The following THSD7A variants were observed in gnomAD, a reference collection of about 807,000 sequenced individuals.
THSD7A encodes thrombospondin type-1 domain-containing protein 7A.
Under a neutral mutation model 231.3 loss-of-function variants are expected in THSD7A, and 96 were observed. That is an observed-to-expected ratio of 0.41 (90% confidence interval 0.35 to 0.49). The LOEUF (loss-of-function observed/expected upper bound fraction) is 0.49. Ranked by LOEUF, THSD7A falls within the 20% of genes least tolerant of loss-of-function variation. The pLI, the probability that THSD7A is intolerant of heterozygous loss-of-function variation, is 0.05. For missense variants in THSD7A, 2,290 were observed against 2,070.2 expected (o/e 1.11, Z -2.06); for synonymous variants, 940 against 743.3 (o/e 1.26, Z -4.30).
intron 2 of THSD7A, among the ~76,000 whole-genome samples, chr7:11,595,097 C>T (rs895405943): frequency 1.3e-5 from 2 of 152,192 alleles, no homozygotes; most frequent in Non-Finnish European, 2.9e-5. Flanking sequence ...AAACCCTGCA[C>T]TGCCTGAGGC....
At chr7:11,385,545 T>C (rs1446501967) in intron 23 of THSD7A, 1 of 152,136 alleles carries the variant, frequency 6.6e-6, no homozygotes, top group Non-Finnish European at 1.5e-5. Context: ...TATATCTTTA[T>C]TTCTGTTAAT....
At chr7:11,480,092 C>T (rs10486132) in intron 7 of THSD7A, among the ~76,000 whole-genome samples, 11,164 of 152,166 alleles carry the variant, frequency 0.073, 544 homozygotes, top group Non-Finnish European at 0.1. Context: ...AATTAATGCC[C>T]TTATGATTTA....
intron 23 of THSD7A, among the ~76,000 whole-genome samples, chr7:11,387,891 C>A (rs1782822977): frequency 6.6e-6 from 1 of 152,090 alleles, no homozygotes; most frequent in Non-Finnish European, 1.5e-5. Flanking sequence ...TCATCAATAC[C>A]TAGATTATTG....
intron 14 of THSD7A, among the ~76,000 whole-genome samples, chr7:11,428,240 C>T (rs1040809380): frequency 1.3e-5 from 2 of 152,162 alleles, no homozygotes; most frequent in Non-Finnish European, 2.9e-5. Context: ...TGCTAATTCA[C>T]TTATAGGCCA....
Position 11,541,610 on chromosome 7 carries a change from C to T in THSD7A, c.1631G>A (p.Arg544His), listed in dbSNP as rs757185210. The T allele has an allele frequency of 1.1e-5, 17 of 1,613,686 alleles. No individual in the cohort carries two copies. The highest frequency in any genetic ancestry group is 3.3e-4 in the Middle Eastern group (2 of 6,076). Residue 544 changes from arginine to histidine, a missense_variant, in exon 6 of 28, where the codon CGC becomes CAC. Coordinates refer to ENST00000423059, the MANE Select transcript of THSD7A (RefSeq NM_015204.3). ...GCCTCCAGTGGGCTCATTGGTAATG[C>T]GCCGCTTCCTCAGTTTGAAGCCTGA... is the stretch of plus-strand genomic sequence containing the variant. Reference protein sequence around the residue: ...GKKGFKLRKRRITNEPTGGSG... With the variant: ...GKKGFKLRKRHITNEPTGGSG...
chr7:11,500,933 CA>C (rs1189835184), intron 6 of THSD7A, among the ~76,000 whole-genome samples: 1 of 85,744 alleles, frequency 1.2e-5, no homozygotes, highest in African/African-American at 4.2e-5. Context: ...AACTCTGTCT[CA>C]AAAAAAGAAA....
chr7:11,732,876 C>T (rs10260742), intron 1 of THSD7A, among the ~76,000 whole-genome samples: 110,749 of 151,520 alleles, frequency 0.73, 40,534 homozygotes, highest in South Asian at 0.79. Context: ...TCAAACAATG[C>T]AATTTCAAAG....
intron 1 of THSD7A, among the ~76,000 whole-genome samples, chr7:11,763,438 C>A (rs1782928468): frequency 6.6e-6 from 1 of 152,134 alleles, no homozygotes. Context: ...ATTGTTTTAT[C>A]TGTGCATGTA....
chr7:11,485,303 G>A (rs892968413), intron 6 of THSD7A, among the ~76,000 whole-genome samples: 7 of 152,086 alleles, frequency 4.6e-5, no homozygotes, highest in African/African-American at 1.4e-4. Flanking sequence ...GAACCAGATT[G>A]TCTCTTGACA....
At chr7:11,706,915 G>C (rs1780787920) in intron 1 of THSD7A, among the ~76,000 whole-genome samples, 1 of 150,356 alleles carries the variant, frequency 6.7e-6, no homozygotes, top group African/African-American at 2.4e-5. Flanking sequence ...CTCTGATTCA[G>C]GGTTTTTCAG....
intron 23 of THSD7A, among the ~76,000 whole-genome samples, chr7:11,390,858 T>A (rs1168836324): frequency 6.6e-6 from 1 of 152,242 alleles, no homozygotes; most frequent in African/African-American, 2.4e-5. Flanking sequence ...AACCCTCTGC[T>A]GCAGGTCTGC....
At chr7:11,650,120 G>T (rs1302888314) in intron 1 of THSD7A, among the ~76,000 whole-genome samples, 1 of 152,086 alleles carries the variant, frequency 6.6e-6, no homozygotes, top group African/African-American at 2.4e-5. Context: ...AAGTGTCAAA[G>T]GCTGTGTTGA....
At chr7:11,682,439 G>A (rs1200087618) in intron 1 of THSD7A, among the ~76,000 whole-genome samples, 1 of 152,042 alleles carries the variant, frequency 6.6e-6, no homozygotes, top group African/African-American at 2.4e-5. Context: ...ACAAAAAAGA[G>A]CAGAGGTCAC....
intron 23 of THSD7A, among the ~76,000 whole-genome samples, chr7:11,389,247 C>G (rs1782883052): frequency 6.6e-6 from 1 of 151,990 alleles, no homozygotes; most frequent in Non-Finnish European, 1.5e-5. Flanking sequence ...TTGTAGGTCT[C>G]TAAGAACTTG....
rs544570059 is a variant in THSD7A, at chr7:11,407,086, ATATATGT to A, written c.3917-38_3917-32del. On this transcript the variant is annotated intron_variant, in intron 20 of 27. Transcript: ENST00000423059. ...AGAGATACAAAGTGATGCACCTTTA[ATATATGT>A]TATGGTTTTGCAAGCATATATCTCA... is the stretch of plus-strand genomic sequence containing the variant. 6.2e-6 allele frequency: 10 copies of A among 1,611,424 alleles called. No homozygotes were observed. The South Asian group carries it at 7.7e-5, about 12-fold the overall frequency.
Position 11,437,662 on chromosome 7 carries a change from G to C in THSD7A, c.3064+8399C>G, listed in dbSNP as rs553469561. On this transcript the variant is annotated intron_variant, in intron 13 of 27. Transcript: ENST00000423059. ...AGAAATTAGGACTCCATTTCAGCTT[G>C]TTTACAAGACTCTATTTATTGCTTT... is the stretch of plus-strand genomic sequence containing the variant. Among the ~76,000 whole-genome samples the C allele has an allele frequency of 1.1e-4, 17 of 152,102 alleles. No individual in the cohort carries two copies. In the South Asian group the frequency reaches 3.1e-3, roughly 28 times the overall value.
At chr7:11,566,489 T>A (rs1790331452) in intron 4 of THSD7A, among the ~76,000 whole-genome samples, 1 of 152,166 alleles carries the variant, frequency 6.6e-6, no homozygotes, top group Admixed American at 6.5e-5. Context: ...GGAACACAGC[T>A]ATGAAGGAGT....
intron 6 of THSD7A, among the ~76,000 whole-genome samples, chr7:11,517,734 T>C (rs756427658): frequency 2.0e-5 from 3 of 152,220 alleles, no homozygotes; most frequent in Non-Finnish European, 4.4e-5. Flanking sequence ...AAGATAATTT[T>C]ATAGTAGGTT....
intron 1 of THSD7A, among the ~76,000 whole-genome samples, chr7:11,754,411 G>C (rs1782610038): frequency 6.6e-6 from 1 of 151,996 alleles, no homozygotes; most frequent in Non-Finnish European, 1.5e-5. Context: ...TTAGTAATTG[G>C]TAGATTAAAG....
Sources: gnomAD v4.1 joint callset for allele counts (sites outside exome capture counted in the v4.1 genomes callset) on GRCh38, gnomAD v4.1.1 for gene constraint, MANE v1.5 for transcripts, NCBI Gene and HGNC (gene_info 2026-07-23, HGNC 2026-07-21) for gene names.